Variants in TPRG1 observed in about 807,000 individuals in gnomAD.
TPRG1 encodes tumor protein p63-regulated gene 1 protein.
In TPRG1, 29 loss-of-function variants were observed where a neutral mutation model predicts 29.3. The ratio of observed to expected loss-of-function variants is 0.99; its 90% CI spans 0.74 to 1.35. The LOEUF is 1.35. Among genes scored for constraint, TPRG1 ranks in the 40% most tolerant of loss-of-function variants. TPRG1 has a pLI of 0.00. For synonymous variants in TPRG1, 130 were observed against 116.8 expected (o/e 1.11, Z -0.73); for missense variants, 327 against 335.0 (o/e 0.98, Z 0.19).
At chr3:189,302,429 T>C (rs948137214) in intron 4 of TPRG1, among the ~76,000 whole-genome samples, 3 of 152,204 alleles carry the variant, frequency 2.0e-5, no homozygotes, top group Admixed American at 1.3e-4. Flanking sequence ...AAATTAATTA[T>C]TCATTATTGA....
Position 189,139,010 on chromosome 3 carries a change from A to C in TPRG1, c.-291+6313A>C, listed in dbSNP as rs567288999. On this transcript the variant is annotated intron_variant, in intron 3 of 6. Transcript: ENST00000412373. ...TCCAGCCATGAGAAAATGGACAAAA[A>C]ATCACTGTAGCTCAGCTCTTAAAAT... 9.2e-5 allele frequency among the ~76,000 whole-genome samples: 14 copies of C among 152,266 alleles called. No homozygotes were observed. The East Asian group carries it at 2.7e-3, about 29-fold the overall frequency.
intron 4 of TPRG1, among the ~76,000 whole-genome samples, chr3:189,304,942 C>A (rs1430112331): frequency 1.3e-5 from 2 of 152,140 alleles, no homozygotes; most frequent in Non-Finnish European, 2.9e-5. Flanking sequence ...ACACGCCCTG[C>A]GTTTAGAGCA....
chr3:189,024,809 A>G (rs755410075), intron 4 of TPRG1, among the ~76,000 whole-genome samples: 2 of 152,166 alleles, frequency 1.3e-5, no homozygotes, highest in Non-Finnish European at 2.9e-5. Flanking sequence ...GTCTGGCCAC[A>G]TTTTGATAAA....
intron 4 of TPRG1, among the ~76,000 whole-genome samples, chr3:189,076,923 C>CATATATATATATAT (rs150949911): frequency 1.1e-4 from 15 of 140,670 alleles, no homozygotes; most frequent in African/African-American, 4.3e-4. Context: ...TATATGTGTA[C>CATATATATATATAT]ATATATATAT....
At chr3:189,003,821 GTTC>G (rs1254806315) in intron 2 of TPRG1, among the ~76,000 whole-genome samples, 1 of 152,008 alleles carries the variant, frequency 6.6e-6, no homozygotes, top group African/African-American at 2.4e-5. Context: ...TTTATATTCT[GTTC>G]TTCTTCAAAG....
At chr3:189,302,219 A>G (rs1720949419) in intron 4 of TPRG1, among the ~76,000 whole-genome samples, 1 of 152,188 alleles carries the variant, frequency 6.6e-6, no homozygotes, top group African/African-American at 2.4e-5. Context: ...CTTGTTTTAT[A>G]TCTTTCGAGG....
intron 5 of TPRG1, among the ~76,000 whole-genome samples, chr3:189,161,071 C>T (rs1727411932): frequency 6.6e-6 from 1 of 152,202 alleles, no homozygotes. Flanking sequence ...ATGGCTGCCT[C>T]CTGGGATGAT....
At position 189,294,766 on chromosome 3, in the gene TPRG1, T is replaced by A. The variant is rs11926458; in HGVS notation, c.480-15620T>A. 9.2e-3 allele frequency among the ~76,000 whole-genome samples: 1,398 copies of A among 152,058 alleles called. 37 individuals are homozygous for A. The highest frequency in any genetic ancestry group is 0.032 in the African/African-American group (1,340 of 41,458). On this transcript the variant is annotated intron_variant, in intron 4 of 5. Transcript: ENST00000345063. ...ATGAAGATGTGTAGACCATGTTCCC[T>A]TTTCTGTGTCACCTTTAATTACACA...
At chr3:189,155,024 C>A (rs181713547) in intron 5 of TPRG1, among the ~76,000 whole-genome samples, 1 of 152,260 alleles carries the variant, frequency 6.6e-6, no homozygotes, top group African/African-American at 2.4e-5. Context: ...ATGTCCTAGG[C>A]AGAGCGAACA....
intron 4 of TPRG1, among the ~76,000 whole-genome samples, chr3:189,065,475 G>C (rs936018404): frequency 2.0e-5 from 3 of 151,632 alleles, no homozygotes; most frequent in Non-Finnish European, 2.9e-5. Context: ...TATAGATCAT[G>C]AACAACAGAT....
At chr3:189,251,995 A>G (rs1347110975) in intron 4 of TPRG1, among the ~76,000 whole-genome samples, 3 of 152,066 alleles carry the variant, frequency 2.0e-5, no homozygotes, top group Admixed American at 2.0e-4. Flanking sequence ...CATGGGGAGA[A>G]ACCTTGGACA....
intron 1 of TPRG1, among the ~76,000 whole-genome samples, chr3:189,205,827 T>A (rs1734237251): frequency 6.6e-6 from 1 of 152,222 alleles, no homozygotes; most frequent in African/African-American, 2.4e-5. Flanking sequence ...TATTTATTTT[T>A]AAACCATGTG....
At chr3:189,204,053 A>C (rs893486115) in intron 1 of TPRG1, among the ~76,000 whole-genome samples, 7 of 141,812 alleles carry the variant, frequency 4.9e-5, no homozygotes, top group Non-Finnish European at 9.4e-5. Context: ...AAAAAAAAAA[A>C]AAAAAAAAAC....
chr3:189,108,818 T>TA lies in TPRG1; in HGVS notation c.-744+8620dup, dbSNP rs1267621461. 3.3e-5 allele frequency among the ~76,000 whole-genome samples: 5 copies of TA among 152,134 alleles called. No individual in the cohort carries two copies. The East Asian group carries it at 9.6e-4, about 29-fold the overall frequency. On this transcript the variant is annotated intron_variant, in intron 1 of 6. Coordinates refer to the TPRG1 transcript ENST00000412373. Reference sequence around the variant, plus strand: ...GAGAGTGCAATAAAGGTAGCGCCTTTAAAAAACTTTTAAGCAGGTGAGGTG... The same window carrying TA: ...GAGAGTGCAATAAAGGTAGCGCCTTTAAAAAAACTTTTAAGCAGGTGAGGTG...
intron 4 of TPRG1, among the ~76,000 whole-genome samples, chr3:189,063,702 A>T (rs1376006402): frequency 6.6e-6 from 1 of 152,180 alleles, no homozygotes; most frequent in Non-Finnish European, 1.5e-5. Flanking sequence ...TAATACATAT[A>T]CAAAACCAAA....
intron 4 of TPRG1, among the ~76,000 whole-genome samples, chr3:189,266,883 G>T (rs1714189447): frequency 6.7e-6 from 1 of 148,566 alleles, no homozygotes; most frequent in Non-Finnish European, 1.5e-5. Context: ...TTTTCCTTGT[G>T]TTTTTTTTTT....
At chr3:189,133,903 G>T (rs1723401038) in intron 3 of TPRG1, among the ~76,000 whole-genome samples, 1 of 152,184 alleles carries the variant, frequency 6.6e-6, no homozygotes, top group Non-Finnish European at 1.5e-5. Context: ...GAGTGGAGGT[G>T]TGTGAGACTC....
Position 189,060,729 on chromosome 3 carries a change from G to A in TPRG1, c.-463+36783G>A, listed in dbSNP as rs1012303180. On this transcript the variant is annotated intron_variant, in intron 4 of 10. Coordinates refer to the TPRG1 transcript ENST00000433971. ...AAAGAATAAAATACCTAGGAATACA[G>A]CTAACCAGAAAGGTAAAATATCTCT... 3.3e-5 allele frequency among the ~76,000 whole-genome samples: 5 copies of A among 152,014 alleles called. No homozygotes were observed. The East Asian group carries it at 9.6e-4, about 29-fold the overall frequency.
chr3:189,220,518 G>A (rs1229321641), intron 3 of TPRG1, among the ~76,000 whole-genome samples: 1 of 152,084 alleles, frequency 6.6e-6, no homozygotes, highest in Admixed American at 6.6e-5. Context: ...TTGTTGTACA[G>A]GTTATTCAAT....
Sources: gnomAD v4.1 joint callset for allele counts (sites outside exome capture counted in the v4.1 genomes callset) on GRCh38, gnomAD v4.1.1 for gene constraint, MANE v1.5 for transcripts, NCBI Gene and HGNC (gene_info 2026-07-23, HGNC 2026-07-21) for gene names.